The following BMP1 variants were observed in gnomAD, a reference collection of about 807,000 sequenced individuals.
BMP1 encodes the protein mammalian tolloid protein.
A neutral mutation model predicts 116.8 loss-of-function variants in BMP1; 63 were observed. The observed-to-expected ratio is 0.54, with a 90% CI of 0.44 to 0.67. BMP1 has a LOEUF of 0.67. Ranked by LOEUF, BMP1 falls within the 30% of genes least tolerant of loss-of-function variation. BMP1 has a pLI of 0.00. For missense variants in BMP1, 1,183 were observed against 1,358.9 expected (o/e 0.87, Z 2.04); for synonymous variants, 536 against 533.4 (o/e 1.00, Z -0.07).
intron 8 of BMP1, among the ~76,000 whole-genome samples, chr8:22,191,472 G>T (rs1367281760): frequency 6.6e-6 from 1 of 152,140 alleles, no homozygotes; most frequent in Admixed American, 6.5e-5. Flanking sequence ...GCACAGTGAC[G>T]CACTCCTGTA....
chr8:22,174,626 TC>T (rs1306643933), intron 2 of BMP1, among the ~76,000 whole-genome samples: 3 of 141,884 alleles, frequency 2.1e-5, no homozygotes, highest in Non-Finnish European at 4.5e-5. Flanking sequence ...TTTTTTTCTG[TC>T]TTTTTTTTTT....
chr8:22,190,577 G>A (rs1417549489), intron 8 of BMP1, among the ~76,000 whole-genome samples: 7 of 152,362 alleles, frequency 4.6e-5, no homozygotes, highest in African/African-American at 1.7e-4. Flanking sequence ...GGCCGGGAAG[G>A]TATAGAGAGG....
At chr8:22,185,112 T>C (rs1214255679) in intron 8 of BMP1, among the ~76,000 whole-genome samples, 1 of 152,140 alleles carries the variant, frequency 6.6e-6, no homozygotes, top group Non-Finnish European at 1.5e-5. Context: ...ACTGACAGTG[T>C]TTCCCCAGCA....
Position 22,179,667 on chromosome 8 carries a change from A to C in BMP1, c.837-38A>C, listed in dbSNP as rs1417223540. On this transcript the variant is annotated intron_variant, in intron 6 of 19. Transcript: ENST00000306385. This position sits in a 1 kb window ranked among gnomAD's most constrained non-coding sequence, Gnocchi z 4.6. ...GCCACCCACTCCCTGCCCACTGTCC[A>C]TGAGACGCTCACCCTTACTTTTCTC... 6.2e-7 allele frequency: 1 copy of C among 1,611,754 alleles called. No homozygotes were observed. The highest frequency in any genetic ancestry group is 1.7e-5 in the Admixed American group (1 of 59,918).
At chr8:22,205,812 A>G (rs532267304) in intron 16 of BMP1, among the ~76,000 whole-genome samples, 1 of 152,296 alleles carries the variant, frequency 6.6e-6, no homozygotes, top group Admixed American at 6.5e-5. Flanking sequence ...CCAAATGACC[A>G]TGATCAGGAA....
rs145360272 is a variant in BMP1, at chr8:22,189,704, C to T, written c.1078-2345C>T. Among the ~76,000 whole-genome samples, 1,020 of 151,692 alleles carry T rather than the reference C, an allele frequency of 6.7e-3. 14 individuals carry two copies. Among genetic ancestry groups the T allele is most frequent in the Middle Eastern group, 0.061 (18 of 294 alleles). ...CTGGTCTCAAACTCCTGGACTCAAG[C>T]GATCCTCTTGCCTCAGCCTCTCAAA... On this transcript the variant is annotated intron_variant, in intron 8 of 19. Coordinates refer to ENST00000306385, the MANE Select transcript of BMP1 (RefSeq NM_006129.5).
chr8:22,195,312 C>G, intron 12 of BMP1, 150 bp from the exon 13 acceptor site: 1 of 942,248 alleles, frequency 1.1e-6, no homozygotes. Context: ...AGACACCAGC[C>G]CAGTCCATGT....
intron 8 of BMP1, among the ~76,000 whole-genome samples, chr8:22,186,432 T>G (rs911234408): frequency 6.6e-5 from 10 of 152,194 alleles, no homozygotes; most frequent in African/African-American, 2.4e-4. Context: ...TTGGGGAAGT[T>G]GCTTAACCTC....
intron 5 of BMP1, 23 bp downstream of exon 5, chr8:22,177,162 G>T: frequency 1.3e-5 from 21 of 1,562,542 alleles, no homozygotes; most frequent in Non-Finnish European, 1.8e-5. Context: ...CCCTCGGTGC[G>T]GCCTTGGTGG....
Position 22,170,634 on chromosome 8 carries a change from G to A in BMP1, c.149-2968G>A, listed in dbSNP as rs78398892. 1,060 of 152,342 alleles carry A rather than the reference G, an allele frequency of 7.0e-3. 3 individuals carry two copies. Among genetic ancestry groups the A allele is most frequent in the Non-Finnish European group, 9.6e-3 (655 of 68,082 alleles). 9.4% of individuals were successfully genotyped at this position (152,342 alleles called of 1,614,324 possible). ...GATGCCTGTGGGTTTGGGTGTGGGA[G>A]CCTGCAGGTACAATGCCTGTGAAAG... On this transcript the variant is annotated intron_variant, in intron 1 of 19. Coordinates refer to ENST00000306385, the MANE Select transcript of BMP1 (RefSeq NM_006129.5).
rs528929027 is a variant in BMP1 at position 22,165,597 on chromosome 8, C to T, written c.148+44C>T. ...CCCGGCGACGGGCCAGGCGGGGAGGCGCGGGCGGGTTCGGGCTTGGGGTTG... is the reference window on the plus strand; with the variant it reads ...CCCGGCGACGGGCCAGGCGGGGAGGTGCGGGCGGGTTCGGGCTTGGGGTTG... On this transcript the variant is annotated intron_variant, in intron 1 of 19. Coordinates refer to ENST00000306385, the MANE Select transcript of BMP1 (RefSeq NM_006129.5). The T allele has an allele frequency of 4.9e-5, 75 of 1,515,232 alleles. No individual in the cohort carries two copies. In the South Asian group the frequency reaches 8.5e-4, roughly 17 times the overall value. 93.9% of individuals were successfully genotyped at this position (1,515,232 alleles called of 1,614,324 possible). A position where few individuals can be genotyped will look rare whatever the true frequency, so the allele number is the denominator to read the frequency against.
At chr8:22,192,005 A>T (rs370226855) in intron 8 of BMP1, 44 bp from the exon 9 acceptor site, 4 of 1,528,720 alleles carry the variant, frequency 2.6e-6, no homozygotes, top group Non-Finnish European at 3.6e-6. Context: ...GGGCTGGTGC[A>T]ATGTTCGGGA....
chr8:22,201,057 C>A, intron 15 of BMP1: 1 of 1,490,828 alleles, frequency 6.7e-7, no homozygotes, highest in Non-Finnish European at 9.3e-7. Context: ...CTGTCCCTCC[C>A]TGGTCCCTGC....
chr8:22,212,046 C>T lies in BMP1; in HGVS notation c.*318C>T, dbSNP rs890939313. The T allele has an allele frequency of 1.5e-5, 6 of 409,464 alleles. No individual in the cohort carries two copies. Among genetic ancestry groups the T allele is most frequent in the African/African-American group, 1.2e-4 (6 of 50,020 alleles). The allele number at this position is 409,464 out of a possible 1,614,324, so 25.4% of individuals were successfully genotyped here. On this transcript the variant is annotated 3_prime_UTR_variant, in exon 20 of 20. Transcript: ENST00000306385. The stretch of plus-strand genomic sequence containing the variant: ...ATGTCAGCAGGACCCCATCGCCATC[C>T]CTGTGTCTCTACACGCTGTATTGTG...
At chr8:22,178,001 A>G in intron 6 of BMP1, 44 bp downstream of exon 6, 1 of 1,451,946 alleles carries the variant, frequency 6.9e-7, no homozygotes, top group Non-Finnish European at 9.5e-7. Context: ...GGGCAGCCCC[A>G]CCCTGCCCTC....
At chr8:22,211,355 A>G (rs375913878) in intron 19 of BMP1, among the ~76,000 whole-genome samples, 3 of 152,064 alleles carry the variant, frequency 2.0e-5, no homozygotes, top group African/African-American at 7.2e-5. Context: ...AGACTACACA[A>G]CTCATTTAGT....
chr8:22,192,416 C>T (rs990427456), intron 9 of BMP1: 27 of 376,244 alleles, frequency 7.2e-5, no homozygotes, highest in East Asian at 1.1e-4. Flanking sequence ...TGTCACCCTA[C>T]GGGTGCAAGG....
Position 22,207,369 on chromosome 8 carries a change from G to C in BMP1, c.2428G>C (p.Gly810Arg). ...CAYDHLEVFD[G>R]RDAKAPVLGR... is the part of the protein sequence containing the mutation. ...CTACGACCACCTAGAGGTGTTCGAC[G>C]GGCGAGACGCCAAGGCCCCCGTCCT... is the stretch of plus-strand genomic sequence containing the variant. Residue 810 changes from glycine (G) to arginine (R), a missense_variant, in exon 18 of 20, where the codon GGG (glycine) becomes CGG (arginine). Gly to Arg is a moderately radical substitution (Grantham distance 125). Around this residue, in one of 4 missense-constraint regions of BMP1, gnomAD observed 956 missense variants for 1,135.2 expected, o/e 0.84. Coordinates refer to ENST00000306385, the MANE Select transcript of BMP1 (RefSeq NM_006129.5). 1 of 1,614,204 alleles carries C rather than the reference G, an allele frequency of 6.2e-7. No individual in the cohort carries two copies. Among genetic ancestry groups the C allele is most frequent in the Non-Finnish European group, 8.5e-7 (1 of 1,180,042 alleles).
chr8:22,168,157 C>A (rs1828171103), intron 1 of BMP1, among the ~76,000 whole-genome samples: 1 of 151,982 alleles, frequency 6.6e-6, no homozygotes, highest in Non-Finnish European at 1.5e-5. Flanking sequence ...TCCTTGATAC[C>A]CTGGAGAGGT....
Sources: gnomAD v4.1 joint callset for allele counts (sites outside exome capture counted in the v4.1 genomes callset) on GRCh38, gnomAD v4.1.1 for gene constraint, gnomAD v4.1.1 regional missense constraint, Gnocchi (gnomAD v3.1) non-coding constraint, MANE v1.5 for transcripts, NCBI Gene and HGNC (gene_info 2026-07-23, HGNC 2026-07-21) for gene names.